TACC3: variants seen among roughly 807,000 people sequenced by gnomAD.
TACC3 encodes transforming acidic coiled-coil containing protein 3.
TACC3 carries 52 observed loss-of-function variants against 86.0 expected under a neutral mutation model. The observed-to-expected ratio is 0.60, with a 90% CI of 0.48 to 0.76. The LOEUF (loss-of-function observed/expected upper bound fraction) is 0.76, where lower values mean the gene tolerates loss of function less well. Ranked by LOEUF, TACC3 falls within the 30% of genes least tolerant of loss-of-function variation. TACC3 has a pLI of 0.00. For missense variants in TACC3, 1,120 were observed against 1,070.4 expected (o/e 1.05, Z -0.65); for synonymous variants, 512 against 430.0 (o/e 1.19, Z -2.36).
chr4:1,742,573 G>T (rs1247169743), intron 13 of TACC3, among the ~76,000 whole-genome samples: 1 of 152,192 alleles, frequency 6.6e-6, no homozygotes, highest in Non-Finnish European at 1.5e-5. Flanking sequence ...GACCGAGACG[G>T]GTGGATCACT....
chr4:1,726,387 G>A lies in TACC3; in HGVS notation c.306-1321G>A, dbSNP rs141337568. On this transcript the variant is annotated intron_variant, in intron 3 of 15. Coordinates refer to ENST00000313288, the MANE Select transcript of TACC3 (RefSeq NM_006342.3). ...CACTGCCAGTCCCCGACTTGAAGGGGAAAGCAGATTCATGCAGAAAACCTT... is the reference window on the plus strand; with the variant it reads ...CACTGCCAGTCCCCGACTTGAAGGGAAAAGCAGATTCATGCAGAAAACCTT... Among the ~76,000 whole-genome samples, 595 of 152,268 alleles carry A rather than the reference G, an allele frequency of 3.9e-3. 1 individual carries two copies. Among genetic ancestry groups the A allele is most frequent in the African/African-American group, 0.014 (572 of 41,550 alleles).
chr4:1,726,050 G>T (rs1717671946), intron 3 of TACC3, among the ~76,000 whole-genome samples: 1 of 152,244 alleles, frequency 6.6e-6, no homozygotes, highest in Non-Finnish European at 1.5e-5. Context: ...CGTCTTCTCA[G>T]GGACCTGAAG....
At position 1,745,088 on chromosome 4, in the gene TACC3, C is replaced by CT; in HGVS notation, c.*81dup. 1 of 1,450,268 alleles carries CT rather than the reference C, an allele frequency of 6.9e-7. No individual in the cohort carries two copies. The allele number at this position is 1,450,268 out of a possible 1,614,324, so 89.8% of individuals were successfully genotyped here. On this transcript the variant is annotated 3_prime_UTR_variant, in exon 16 of 16. Coordinates refer to ENST00000313288, the MANE Select transcript of TACC3 (RefSeq NM_006342.3). ...GTCTGATTCTCTTAGGTGTCATGTT[C>CT]TTTTTTCTGTCTTGTCTTCAACTTT...
In TACC3 at chr4:1,735,322, C is replaced by T; in HGVS notation, c.1641C>T (p.Ser547=). The change falls in exon 7 of 16, where the codon TCC becomes TCT. Residue 547 remains serine, a synonymous_variant. Transcript: ENST00000313288. The surrounding 1 kb of genome is among the most constrained non-coding windows in gnomAD (Gnocchi z 4.2). ...EVDYLEQFGT[S]SFKESALRKQ... ...ATTACCTGGAGCAGTTTGGAACTTC[C>T]TCGGTAGGTACCAGGCAATTCCGCG... The T allele has an allele frequency of 6.2e-7, 1 of 1,614,030 alleles. No homozygotes were observed. Among genetic ancestry groups the T allele is most frequent in the Non-Finnish European group, 8.5e-7 (1 of 1,180,022 alleles).
chr4:1,744,851 G>T lies in TACC3; in HGVS notation c.2451+19G>T. On this transcript the variant is annotated intron_variant, in intron 15 of 15. Transcript: ENST00000313288. ...GCAGAAGGTGGGTGCGGGAAGCCCA[G>T]CTCAAGGGGCCGTCTGGCAGCACCT... 1 of 1,612,922 alleles carries T rather than the reference G, an allele frequency of 6.2e-7. No individual in the cohort carries two copies. Among genetic ancestry groups the T allele is most frequent in the Non-Finnish European group, 8.5e-7 (1 of 1,180,000 alleles).
intron 15 of TACC3, 33 bp from the exon 16 acceptor site, chr4:1,744,915 G>A (rs1687300394): frequency 6.2e-7 from 1 of 1,611,592 alleles, no homozygotes; most frequent in South Asian, 1.1e-5. Context: ...CTCCAAGCAG[G>A]GAGAAGCCCC....
intron 15 of TACC3, 22 bp from the exon 16 acceptor site, chr4:1,744,926 G>GCAACT: frequency 1.2e-6 from 2 of 1,611,710 alleles, no homozygotes; most frequent in Non-Finnish European, 1.7e-6. Flanking sequence ...GAGAAGCCCC[G>GCAACT]CAACTCATCT....
chr4:1,742,955 A>T (rs2108722069), intron 13 of TACC3, among the ~76,000 whole-genome samples: 1 of 152,302 alleles, frequency 6.6e-6, no homozygotes, highest in Admixed American at 6.5e-5. Flanking sequence ...CGACAGAGCG[A>T]GACTCTCTCA....
At chr4:1,740,502 A>G (rs2108717174) in intron 12 of TACC3, 1 of 323,098 alleles carries the variant, frequency 3.1e-6, no homozygotes, top group Admixed American at 4.6e-5. Context: ...ACCACCACGA[A>G]GCACGACGCA....
chr4:1,733,665 A>G (rs1718112301), intron 6 of TACC3, among the ~76,000 whole-genome samples: 1 of 152,122 alleles, frequency 6.6e-6, no homozygotes. Context: ...GAAGGAAAGA[A>G]AAAAAAGGCA....
intron 13 of TACC3, among the ~76,000 whole-genome samples, chr4:1,743,893 C>T (rs577535660): frequency 6.6e-6 from 1 of 152,300 alleles, no homozygotes; most frequent in Non-Finnish European, 1.5e-5. Context: ...GGAGAGGCTG[C>T]AGTGCTGAGG....
chr4:1,722,536 T>G (rs1449314630), intron 1 of TACC3, among the ~76,000 whole-genome samples: 8 of 152,162 alleles, frequency 5.3e-5, no homozygotes, highest in Non-Finnish European at 1.2e-4. Context: ...CTTCTCAAGC[T>G]GCAGCACCGA....
At position 1,728,599 on chromosome 4, in the gene TACC3, T is replaced by A; in HGVS notation, c.1197T>A (p.Ser399=). 6.2e-7 allele frequency: 1 copy of A among 1,613,826 alleles called. No homozygotes were observed. Among genetic ancestry groups the A allele is most frequent in the East Asian group, 2.2e-5 (1 of 44,858 alleles). ...GAGEDPPMPA[S]RGSYHLDWDK... ...GAGAGGACCCCCCCATGCCAGCTTC[T>A]CGGGGCTCTTACCACCTCGACTGGG... Residue 399 remains serine (S), a synonymous_variant, in exon 4 of 16, where the codon TCT becomes TCA. Coordinates refer to ENST00000313288, the MANE Select transcript of TACC3 (RefSeq NM_006342.3).
In TACC3 at chr4:1,728,199, A is replaced by G; in HGVS notation, c.797A>G (p.Gln266Arg). The stretch of plus-strand genomic sequence containing the variant: ...GAAGCCTGCGGAGGAGCACCCCTGC[A>G]GGGTCTGCCTGGCGAAGCCCTGGGC... ...PKEACGGAPLQGLPGEALGCP... is the reference protein window; with the variant it reads ...PKEACGGAPLRGLPGEALGCP... The change falls in exon 4 of 16, where the codon CAG (glutamine) becomes CGG (arginine). Residue 266 changes from glutamine (Q) to arginine (R), a missense_variant. Physicochemically the swap from Gln to Arg is conservative, Grantham distance 43. Transcript: ENST00000313288. The G allele has an allele frequency of 6.2e-7, 1 of 1,611,812 alleles. No individual in the cohort carries two copies. Among genetic ancestry groups the G allele is most frequent in the Non-Finnish European group, 8.5e-7 (1 of 1,179,562 alleles).
Position 1,744,613 on chromosome 4 carries a change from G to C in TACC3, c.2319G>C (p.Glu773Asp). The C allele has an allele frequency of 6.2e-7, 1 of 1,613,134 alleles. No individual in the cohort carries two copies. Among genetic ancestry groups the C allele is most frequent in the South Asian group, 1.1e-5 (1 of 91,088 alleles). Residue 773 changes from glutamate (E) to aspartate (D), a missense_variant, in exon 14 of 16, where the codon GAG becomes GAC. Physicochemically the swap from Glu to Asp is conservative, Grantham distance 45 (BLOSUM62 2). Coordinates refer to ENST00000313288, the MANE Select transcript of TACC3 (RefSeq NM_006342.3). ...AAGCCCTGAAGGCCCACGCGGAGGAGAAGCTGCAGCTGTGAGTGCTGGGCG... is the reference window on the plus strand; with the variant it reads ...AAGCCCTGAAGGCCCACGCGGAGGACAAGCTGCAGCTGTGAGTGCTGGGCG... ...RYQALKAHAEEKLQLANEEIA... is the reference protein window; with the variant it reads ...RYQALKAHAEDKLQLANEEIA...
chr4:1,728,580 A>AC lies in TACC3; in HGVS notation c.1185dup (p.Met396HisfsTer17), dbSNP rs757553939. 20 of 1,612,042 alleles carry AC rather than the reference A, an allele frequency of 1.2e-5. No individual in the cohort carries two copies. Among genetic ancestry groups the AC allele is most frequent in the African/African-American group, 1.3e-5 (1 of 74,304 alleles). ...GACGGTAGGAGCGGAGCAGGAGAGG[A>AC]CCCCCCCATGCCAGCTTCTCGGGGC... On this transcript the variant is annotated frameshift_variant, in exon 4 of 16. Transcript: ENST00000313288. LOFTEE classifies it high-confidence loss of function.
Position 1,737,336 on chromosome 4 carries a change from C to A in TACC3, c.1836+8C>A. The A allele has an allele frequency of 6.2e-7, 1 of 1,612,954 alleles. No individual in the cohort carries two copies. The highest frequency in any genetic ancestry group is 8.5e-7 in the Non-Finnish European group (1 of 1,178,998). On this transcript the variant is annotated splice_region_variant and intron_variant, in intron 9 of 15. Coordinates refer to ENST00000313288, the MANE Select transcript of TACC3 (RefSeq NM_006342.3). The stretch of plus-strand genomic sequence containing the variant: ...GGAGCACTGGACATTCCTGTAAGTC[C>A]TTGAGTCCCTCTTGAACTGTCTTGT...
Position 1,740,982 on chromosome 4 carries a change from G to C in TACC3, c.2219G>C (p.Arg740Pro). 6.2e-7 allele frequency: 1 copy of C among 1,605,018 alleles called. No individual in the cohort carries two copies. The highest frequency in any genetic ancestry group is 1.1e-5 in the South Asian group (1 of 89,340). ...CAGAAAGAGGTGATCGAGGGCTACC[G>C]CAAGGTATGTCTCCGCCACCCTGGT... ...EKQKEVIEGY[R>P]KNEESLKKCV... The change falls in exon 13 of 16, where the codon CGC becomes CCC. Residue 740 changes from arginine to proline, a missense_variant. Transcript: ENST00000313288.
At position 1,745,021 on chromosome 4, in the gene TACC3, G is replaced by C. The variant is rs1359678620; in HGVS notation, c.*8G>C. On this transcript the variant is annotated 3_prime_UTR_variant, in exon 16 of 16. Coordinates refer to ENST00000313288, the MANE Select transcript of TACC3 (RefSeq NM_006342.3). Reference sequence around the variant, plus strand: ...AAGATGGAGAAGATCTGACCTCCACGGAGCCGCTGTCCCCGCCCCCCTGCT... The same window carrying C: ...AAGATGGAGAAGATCTGACCTCCACCGAGCCGCTGTCCCCGCCCCCCTGCT... 3 of 1,601,408 alleles carry C rather than the reference G, an allele frequency of 1.9e-6. No individual in the cohort carries two copies. Among genetic ancestry groups the C allele is most frequent in the African/African-American group, 1.3e-5 (1 of 74,812 alleles).
Sources: gnomAD v4.1 joint callset for allele counts (sites outside exome capture counted in the v4.1 genomes callset) on GRCh38, gnomAD v4.1.1 for gene constraint, Gnocchi (gnomAD v3.1) non-coding constraint, MANE v1.5 for transcripts, NCBI Gene and HGNC (gene_info 2026-07-23, HGNC 2026-07-21) for gene names.